The following ROBO2 variants were observed in gnomAD, a reference collection of about 807,000 sequenced individuals.
The protein encoded by ROBO2 is roundabout guidance receptor 2.
A neutral mutation model predicts 160.8 loss-of-function variants in ROBO2; 53 were observed. The ratio of observed to expected loss-of-function variants is 0.33; its 90% CI spans 0.26 to 0.41. The LOEUF (loss-of-function observed/expected upper bound fraction) is 0.41. ROBO2 is among the 10% of genes least tolerant of loss of function. The pLI is 1.00. For synonymous variants in ROBO2, 664 were observed against 611.7 expected (o/e 1.09, Z -1.26); for missense variants, 1,577 against 1,722.4 (o/e 0.92, Z 1.49).
chr3:76,060,777 T>C (rs2107883827), intron 2 of ROBO2, among the ~76,000 whole-genome samples: 1 of 152,300 alleles, frequency 6.6e-6, no homozygotes, highest in Non-Finnish European at 1.5e-5. Flanking sequence ...ATGTGAAAGA[T>C]AATTAATAGA....
intron 2 of ROBO2, among the ~76,000 whole-genome samples, chr3:76,618,201 G>T (rs552341078): frequency 1.3e-5 from 2 of 151,612 alleles, no homozygotes; most frequent in East Asian, 1.9e-4. Flanking sequence ...TCTGTCCCTA[G>T]AATTTTTTGG....
chr3:76,669,833 A>G (rs369882276), intron 2 of ROBO2, among the ~76,000 whole-genome samples: 1 of 152,182 alleles, frequency 6.6e-6, no homozygotes, highest in Non-Finnish European at 1.5e-5. Flanking sequence ...TACGTTAACC[A>G]CACAAGTTTT....
At chr3:77,154,000 G>A (rs942275992) in intron 2 of ROBO2, among the ~76,000 whole-genome samples, 1 of 151,736 alleles carries the variant, frequency 6.6e-6, no homozygotes, top group East Asian at 1.9e-4. Flanking sequence ...TTTAGTTCTG[G>A]CTCTGCCAAT....
intron 1 of ROBO2, among the ~76,000 whole-genome samples, chr3:75,912,055 A>G (rs981673804): frequency 3.3e-5 from 5 of 152,132 alleles, no homozygotes; most frequent in African/African-American, 4.8e-5. Flanking sequence ...TTTCCCCTCA[A>G]ATGCAATGTC....
chr3:76,656,920 GTCTATTTAGTCTTTAACTGGCTC>G (rs972648933), intron 2 of ROBO2, among the ~76,000 whole-genome samples: 57 of 152,250 alleles, frequency 3.7e-4, no homozygotes, highest in South Asian at 1.7e-3. Context: ...TTAACTGGCT[GTCTATTTAGTCTTTAACTGGCTC>G]TCTATTTAGT....
intron 2 of ROBO2, among the ~76,000 whole-genome samples, chr3:77,107,810 A>G (rs1022590192): frequency 3.3e-5 from 5 of 152,178 alleles, no homozygotes; most frequent in African/African-American, 1.2e-4. Flanking sequence ...TCTAACATTT[A>G]AGTCTGAACC....
chr3:77,526,150 CT>C (rs1024582825), intron 6 of ROBO2, among the ~76,000 whole-genome samples: 1 of 151,470 alleles, frequency 6.6e-6, no homozygotes, highest in African/African-American at 2.4e-5. Flanking sequence ...CTAAACCAGG[CT>C]TTTCGTACCA....
At chr3:76,952,469 A>AG (rs1258610733) in intron 2 of ROBO2, among the ~76,000 whole-genome samples, 1 of 151,926 alleles carries the variant, frequency 6.6e-6, no homozygotes, top group East Asian at 1.9e-4. Flanking sequence ...TTTTTAGTAG[A>AG]GATGGGGTTT....
intron 2 of ROBO2, among the ~76,000 whole-genome samples, chr3:76,733,512 C>A (rs1423008116): frequency 1.3e-5 from 2 of 152,214 alleles, no homozygotes; most frequent in African/African-American, 4.8e-5. Context: ...TGGCACTAAG[C>A]ATGTGCCAAG....
rs148383227 is a variant in ROBO2 at position 76,710,307 on chromosome 3, C to G, written c.110-387707C>G. Among the ~76,000 whole-genome samples, 1,396 of 151,974 alleles carry G rather than the reference C, an allele frequency of 9.2e-3. 26 individuals are homozygous for G. Among genetic ancestry groups the G allele is most frequent in the African/African-American group, 0.032 (1,322 of 41,450 alleles). On this transcript the variant is annotated intron_variant, in intron 2 of 26. Coordinates refer to the ROBO2 transcript ENST00000487694. ...AGCTTATTTTTGTATTTTTAGCAGA[C>G]ACGGGGTTTCACCATGTTGGCCAGG...
At chr3:76,175,659 C>T (rs2073203366) in intron 2 of ROBO2, among the ~76,000 whole-genome samples, 1 of 152,050 alleles carries the variant, frequency 6.6e-6, no homozygotes, top group Non-Finnish European at 1.5e-5. Flanking sequence ...TCTGGAACTG[C>T]TGGTTCCTGA....
chr3:77,518,556 T>C (rs2090264203), intron 5 of ROBO2, among the ~76,000 whole-genome samples: 1 of 151,422 alleles, frequency 6.6e-6, no homozygotes, highest in Admixed American at 6.6e-5. Context: ...GGCATGGCCC[T>C]GGGAAATGTG....
chr3:77,159,282 A>G (rs945379298), intron 2 of ROBO2, among the ~76,000 whole-genome samples: 2 of 152,086 alleles, frequency 1.3e-5, no homozygotes, highest in African/African-American at 2.4e-5. Context: ...CCCAACCATC[A>G]TTACCCTTTT....
At chr3:77,019,986 CT>C (rs2062524946) in intron 2 of ROBO2, among the ~76,000 whole-genome samples, 2 of 152,040 alleles carry the variant, frequency 1.3e-5, no homozygotes, top group South Asian at 4.1e-4. Context: ...CCAAAGGATC[CT>C]CATGAAGTTT....
At chr3:77,450,530 C>T (rs1163706031) in intron 2 of ROBO2, among the ~76,000 whole-genome samples, 1 of 151,704 alleles carries the variant, frequency 6.6e-6, no homozygotes, top group Non-Finnish European at 1.5e-5. Context: ...TAATAGATAC[C>T]CAAGAATGGT....
At chr3:77,550,986 G>T in exon 8 of ROBO2, 5 of 1,612,654 alleles carry the variant, frequency 3.1e-6, no homozygotes, top group Non-Finnish European at 4.2e-6. Flanking sequence ...GGAGGTTACT[G>T]ATGGTGCGAT....
At chr3:77,143,031 G>A (rs1482587885) in intron 2 of ROBO2, among the ~76,000 whole-genome samples, 2 of 152,084 alleles carry the variant, frequency 1.3e-5, no homozygotes, top group African/African-American at 4.8e-5. Flanking sequence ...CTAATTGAAA[G>A]CCCAGCAAAT....
intron 21 of ROBO2, among the ~76,000 whole-genome samples, chr3:77,610,268 A>G (rs1043363906): frequency 7.2e-5 from 11 of 152,066 alleles, no homozygotes; most frequent in African/African-American, 2.4e-4. Context: ...AACCTTCATA[A>G]TTCAGGTTTA....
At chr3:77,165,121 G>T (rs1397628152) in intron 2 of ROBO2, among the ~76,000 whole-genome samples, 1 of 151,892 alleles carries the variant, frequency 6.6e-6, no homozygotes, top group African/African-American at 2.4e-5. Context: ...GAATGGAAAG[G>T]GGGGAAAGGC....
Sources: gnomAD v4.1 joint callset for allele counts (sites outside exome capture counted in the v4.1 genomes callset) on GRCh38, gnomAD v4.1.1 for gene constraint, MANE v1.5 for transcripts, NCBI Gene and HGNC (gene_info 2026-07-23, HGNC 2026-07-21) for gene names.